Variants in ACOX2 observed in about 807,000 individuals in gnomAD.
ACOX2 encodes the protein acyl-CoA oxidase 2.
ACOX2 carries 59 observed loss-of-function variants against 77.5 expected under a neutral mutation model. The ratio of observed to expected loss-of-function variants is 0.76; its 90% confidence interval spans 0.62 to 0.95. ACOX2 has a LOEUF of 0.95. Ranked by LOEUF, ACOX2 falls within the 40% of genes least tolerant of loss-of-function variation. ACOX2 has a pLI of 0.00. For missense variants in ACOX2, 837 were observed against 880.4 expected (o/e 0.95, Z 0.62); for synonymous variants, 317 against 340.1 (o/e 0.93, Z 0.75).
At position 58,534,103 on chromosome 3, in the gene ACOX2, G is replaced by T; in HGVS notation, c.366C>A (p.Phe122Leu). 6.2e-7 allele frequency: 1 copy of T among 1,614,170 alleles called. No homozygotes were observed. Among genetic ancestry groups the T allele is most frequent in the Non-Finnish European group, 8.5e-7 (1 of 1,180,024 alleles). The change falls in exon 4 of 15, where the codon TTC becomes TTA. Residue 122 changes from phenylalanine to leucine, a missense_variant. Coordinates refer to ENST00000302819, the MANE Select transcript of ACOX2 (RefSeq NM_003500.4). This position sits in a 1 kb window ranked among gnomAD's most constrained non-coding sequence, Gnocchi z 4.8. ...GDVALNIHRV[F>L]VRALRSLGSE... is the part of the protein sequence containing the mutation. ...AGCCCAGGCTCCTGAGGGCTCTCAC[G>T]AAGACTCTGTGTATATTTAAGGCCA...
rs777133598 is a variant in ACOX2, at chr3:58,525,340, A to G, written c.1347-735T>C. On this transcript the variant is annotated intron_variant, in intron 10 of 14. Coordinates refer to ENST00000302819, the MANE Select transcript of ACOX2 (RefSeq NM_003500.4). This position sits in a 1 kb window ranked among gnomAD's most constrained non-coding sequence, Gnocchi z 5.0. ...TGTTGTTTTTCATATTTGCCAGTGA[A>G]CTTCTTTCTCCTTGCATAGGGAAGC... 6.6e-6 allele frequency among the ~76,000 whole-genome samples: 1 copy of G among 152,196 alleles called. No homozygotes were observed. Among genetic ancestry groups the G allele is most frequent in the Non-Finnish European group, 1.5e-5 (1 of 68,038 alleles).
In ACOX2 at chr3:58,505,255, G is replaced by A; in HGVS notation, c.2015C>T (p.Pro672Leu). 6.2e-7 allele frequency: 1 copy of A among 1,612,980 alleles called. No homozygotes were observed. The highest frequency in any genetic ancestry group is 1.1e-5 in the South Asian group (1 of 90,722). The change falls in exon 15 of 15, where the codon CCA becomes CTA. Residue 672 changes from proline to leucine, a missense_variant. Coordinates refer to ENST00000302819, the MANE Select transcript of ACOX2 (RefSeq NM_003500.4). The surrounding 1 kb of genome is among the most constrained non-coding windows in gnomAD (Gnocchi z 4.4). The stretch of plus-strand genomic sequence containing the variant: ...CTTGGATCTCCAACTTTGTAAAAGT[G>A]GTCTTATATATTCCTCATAGGCAGG... Reference protein sequence around the residue: ...ENPAYEEYIRPLLQSWRSKL With the variant: ...ENPAYEEYIRLLLQSWRSKL
At chr3:58,516,570 G>T (rs1333439890) in intron 13 of ACOX2, among the ~76,000 whole-genome samples, 1 of 152,236 alleles carries the variant, frequency 6.6e-6, no homozygotes, top group African/African-American at 2.4e-5. Flanking sequence ...GGGCACGTTG[G>T]TTCACACCTG....
At position 58,522,954 on chromosome 3, in the gene ACOX2, C is replaced by A; in HGVS notation, c.1527-353G>T. 3.9e-6 allele frequency: 1 copy of A among 258,214 alleles called. No homozygotes were observed. The allele number at this position is 258,214 out of a possible 1,614,324, so 16.0% of individuals were successfully genotyped here. Reference sequence around the variant, plus strand: ...TCTAATGCAGATTCCAGCCTCACACCAGTATGTTCAGGCCTTTTTGTTGAC... The same window carrying A: ...TCTAATGCAGATTCCAGCCTCACACAAGTATGTTCAGGCCTTTTTGTTGAC... On this transcript the variant is annotated intron_variant, in intron 11 of 14. Transcript: ENST00000302819. The surrounding 1 kb of genome is among the most constrained non-coding windows in gnomAD (Gnocchi z 4.3).
chr3:58,511,773 C>T (rs2063289720), intron 13 of ACOX2: 1 of 152,308 alleles, frequency 6.6e-6, no homozygotes, highest in African/African-American at 2.4e-5. Flanking sequence ...CTATTTCCTT[C>T]TCCATCACCT....
In ACOX2 at chr3:58,528,332, A is replaced by T. The variant is rs1408958993; in HGVS notation, c.1155+462T>A. Among the ~76,000 whole-genome samples, 1 of 152,222 alleles carries T rather than the reference A, an allele frequency of 6.6e-6. No individual in the cohort carries two copies. Among genetic ancestry groups the T allele is most frequent in the African/African-American group, 2.4e-5 (1 of 41,452 alleles). On this transcript the variant is annotated intron_variant, in intron 9 of 14. Coordinates refer to ENST00000302819, the MANE Select transcript of ACOX2 (RefSeq NM_003500.4). The surrounding 1 kb of genome is among the most constrained non-coding windows in gnomAD (Gnocchi z 5.6). ...AATCAGAGTAACTTTTGGATTATAG[A>T]GAGGCCAAGTGGCATTTAAAGTGCA...
At position 58,534,831 on chromosome 3, in the gene ACOX2, G is replaced by C; in HGVS notation, c.160+116C>G. ...AGTTCGAAGGAATGAATCTCTAACA[G>C]TGGAATTTCAAGGGCAAAGTTTGTT... On this transcript the variant is annotated intron_variant, in intron 2 of 14. Transcript: ENST00000302819. This position sits in a 1 kb window ranked among gnomAD's most constrained non-coding sequence, Gnocchi z 4.8. The C allele has an allele frequency of 1.3e-6, 2 of 1,504,474 alleles. No homozygotes were observed. Among genetic ancestry groups the C allele is most frequent in the South Asian group, 1.2e-5 (1 of 83,134 alleles). The allele number at this position is 1,504,474 out of a possible 1,614,324, so 93.2% of individuals were successfully genotyped here.
intron 9 of ACOX2, among the ~76,000 whole-genome samples, chr3:58,527,669 C>A (rs1188984304): frequency 6.6e-6 from 1 of 152,104 alleles, no homozygotes; most frequent in Non-Finnish European, 1.5e-5. Context: ...GCCTCCAGAA[C>A]TGTGAGCAAT....
chr3:58,532,519 G>GCCC, intron 5 of ACOX2, among the ~76,000 whole-genome samples: 1 of 152,048 alleles, frequency 6.6e-6, no homozygotes, highest in South Asian at 2.1e-4. Flanking sequence ...CCGAGTAGGT[G>GCCC]GGACTACAGA....
rs1379139899 is a variant in ACOX2, at chr3:58,534,498, T to C, written c.185A>G (p.Glu62Gly). ...KVESIIHSYP[E>G]FSCKDNYFMT... ...GAAATAATTGTCCTTACAGCTAAAC[T>C]CCGGGTAACTGTGGATGATGCTCTC... The change falls in exon 3 of 15, where the codon GAG (glutamate) becomes GGG (glycine). Residue 62 changes from glutamate (E) to glycine (G), a missense_variant. Glu to Gly is a moderately conservative substitution (Grantham distance 98). Transcript: ENST00000302819. The surrounding 1 kb of genome is among the most constrained non-coding windows in gnomAD (Gnocchi z 4.8). 6.2e-7 allele frequency: 1 copy of C among 1,613,934 alleles called. No homozygotes were observed. The highest frequency in any genetic ancestry group is 8.5e-7 in the Non-Finnish European group (1 of 1,180,028).
At chr3:58,518,533 C>A (rs1473753828) in intron 12 of ACOX2, among the ~76,000 whole-genome samples, 1 of 152,192 alleles carries the variant, frequency 6.6e-6, no homozygotes, top group African/African-American at 2.4e-5. Context: ...TTTGAACAGT[C>A]CGCATCTCGT....
chr3:58,506,226 A>G (rs947097324), intron 14 of ACOX2, among the ~76,000 whole-genome samples: 1 of 152,184 alleles, frequency 6.6e-6, no homozygotes, highest in African/African-American at 2.4e-5. Flanking sequence ...TCTAACTCCT[A>G]CTTGGACACA....
rs548119899 is a variant in ACOX2, at chr3:58,534,831, G to A, written c.160+116C>T. Reference sequence around the variant, plus strand: ...AGTTCGAAGGAATGAATCTCTAACAGTGGAATTTCAAGGGCAAAGTTTGTT... The same window carrying A: ...AGTTCGAAGGAATGAATCTCTAACAATGGAATTTCAAGGGCAAAGTTTGTT... On this transcript the variant is annotated intron_variant, in intron 2 of 14. Coordinates refer to ENST00000302819, the MANE Select transcript of ACOX2 (RefSeq NM_003500.4). The surrounding 1 kb of genome is among the most constrained non-coding windows in gnomAD (Gnocchi z 4.8). The A allele has an allele frequency of 1.8e-4, 269 of 1,504,470 alleles. 1 individual carries two copies. Among genetic ancestry groups the A allele is most frequent in the South Asian group, 6.5e-4 (54 of 83,132 alleles). The allele number at this position is 1,504,470 out of a possible 1,614,324, so 93.2% of individuals were successfully genotyped here. A position where few individuals can be genotyped will look rare whatever the true frequency, so the allele number is the denominator to read the frequency against.
In ACOX2 at chr3:58,534,464, C is replaced by T; in HGVS notation, c.219G>A (p.Gln73=). 6.2e-7 allele frequency: 1 copy of T among 1,614,182 alleles called. No homozygotes were observed. Among genetic ancestry groups the T allele is most frequent in the South Asian group, 1.1e-5 (1 of 91,078 alleles). ...GCATGGCAGCCTTATAACGCTCATTCTGGGTCATGAAATAATTGTCCTTAC... is the reference window on the plus strand; with the variant it reads ...GCATGGCAGCCTTATAACGCTCATTTTGGGTCATGAAATAATTGTCCTTAC... ...FSCKDNYFMT[Q]NERYKAAMRR... The change falls in exon 3 of 15, where the codon CAG becomes CAA. Residue 73 remains glutamine (Q), a synonymous_variant. Coordinates refer to ENST00000302819, the MANE Select transcript of ACOX2 (RefSeq NM_003500.4). This position sits in a 1 kb window ranked among gnomAD's most constrained non-coding sequence, Gnocchi z 4.8.
At position 58,525,545 on chromosome 3, in the gene ACOX2, G is replaced by A. The variant is rs1426897742; in HGVS notation, c.1346+921C>T. On this transcript the variant is annotated intron_variant, in intron 10 of 14. Coordinates refer to ENST00000302819, the MANE Select transcript of ACOX2 (RefSeq NM_003500.4). This position sits in a 1 kb window ranked among gnomAD's most constrained non-coding sequence, Gnocchi z 5.0. Reference sequence around the variant, plus strand: ...CTTAGGCGATGCTAAAGCGAGCAAGGTAGGGGTAGTCCCTGCCCTCAGGGA... The same window carrying A: ...CTTAGGCGATGCTAAAGCGAGCAAGATAGGGGTAGTCCCTGCCCTCAGGGA... Among the ~76,000 whole-genome samples, 2 of 152,240 alleles carry A rather than the reference G, an allele frequency of 1.3e-5. No individual in the cohort carries two copies. Among genetic ancestry groups the A allele is most frequent in the African/African-American group, 2.4e-5 (1 of 41,470 alleles).
Position 58,505,342 on chromosome 3 carries a change from A to C in ACOX2, c.1984-56T>G, listed in dbSNP as rs371282495. 4.1e-5 allele frequency: 57 copies of C among 1,388,322 alleles called. No individual in the cohort carries two copies. In the African/African-American group the frequency reaches 7.7e-4, roughly 19 times the overall value. The allele number at this position is 1,388,322 out of a possible 1,614,324, so 86.0% of individuals were successfully genotyped here. On this transcript the variant is annotated intron_variant, in intron 14 of 14. Coordinates refer to ENST00000302819, the MANE Select transcript of ACOX2 (RefSeq NM_003500.4). This position sits in a 1 kb window ranked among gnomAD's most constrained non-coding sequence, Gnocchi z 4.4. ...CAGTACATTTCTGCCAGGATTAATG[A>C]CTTTCACTTTCAAATTAAGTCTCTA...
Position 58,515,088 on chromosome 3 carries a change from A to G in ACOX2, c.1850+2118T>C, listed in dbSNP as rs1292350218. ...GCCAAGGCTGGAGTGCAGTGGTACG[A>G]TCTTGGCTCACGGCAGCCTCTGCCT... On this transcript the variant is annotated intron_variant, in intron 13 of 14. Transcript: ENST00000302819. This position sits in a 1 kb window ranked among gnomAD's most constrained non-coding sequence, Gnocchi z 4.0. 6.6e-6 allele frequency among the ~76,000 whole-genome samples: 1 copy of G among 151,896 alleles called. No homozygotes were observed. Among genetic ancestry groups the G allele is most frequent in the African/African-American group, 2.4e-5 (1 of 41,314 alleles).
Position 58,521,161 on chromosome 3 carries a change from GGGT to G in ACOX2, c.1632+1332_1632+1334del, listed in dbSNP as rs2063355426. ...TTGACAGGACAGTTAGCACAGCAGG[GGGT>G]GCCCCTGCTGTAGGCTGAGCAGAAC... On this transcript the variant is annotated intron_variant, in intron 12 of 14. Transcript: ENST00000302819. This position sits in a 1 kb window ranked among gnomAD's most constrained non-coding sequence, Gnocchi z 4.8. 6.6e-6 allele frequency among the ~76,000 whole-genome samples: 1 copy of G among 152,200 alleles called. No individual in the cohort carries two copies.
In ACOX2 at chr3:58,505,158, G is replaced by T; in HGVS notation, c.*66C>A. On this transcript the variant is annotated 3_prime_UTR_variant, in exon 15 of 15. Transcript: ENST00000302819. This position sits in a 1 kb window ranked among gnomAD's most constrained non-coding sequence, Gnocchi z 4.4. ...ATATCTAATTTAAAATTTTAATGTT[G>T]CATATATGCCATAGTACCATTATCA... is the stretch of plus-strand genomic sequence containing the variant. The T allele has an allele frequency of 7.7e-7, 1 of 1,297,868 alleles. No individual in the cohort carries two copies. Among genetic ancestry groups the T allele is most frequent in the Non-Finnish European group, 1.1e-6 (1 of 921,520 alleles). The allele number at this position is 1,297,868 out of a possible 1,614,324, so 80.4% of individuals were successfully genotyped here.
Sources: gnomAD v4.1 joint callset for allele counts (sites outside exome capture counted in the v4.1 genomes callset) on GRCh38, gnomAD v4.1.1 for gene constraint, Gnocchi (gnomAD v3.1) non-coding constraint, MANE v1.5 for transcripts, NCBI Gene and HGNC (gene_info 2026-07-23, HGNC 2026-07-21) for gene names.